NCK1: variants seen among roughly 807,000 people sequenced by gnomAD.
NCK1 encodes SH2/SH3 adapter protein NCK1.
Under a neutral mutation model 36.6 loss-of-function variants are expected in NCK1, and 19 were observed. The ratio of observed to expected loss-of-function variants is 0.52; its 90% CI spans 0.36 to 0.76. NCK1 has a LOEUF of 0.76. Among genes scored for constraint, NCK1 ranks in the 30% least tolerant of loss-of-function variants. NCK1 has a pLI of 0.00. For synonymous variants in NCK1, 165 were observed against 156.0 expected, an observed-to-expected ratio of 1.06 and a Z score of -0.43; for missense variants, 358 against 445.6, an observed-to-expected ratio of 0.80 and a Z score of 1.77.
chr3:136,900,317 G>A (rs894545828), intron 1 of NCK1, among the ~76,000 whole-genome samples: 1 of 152,116 alleles, frequency 6.6e-6, no homozygotes, highest in Admixed American at 6.6e-5. Context: ...TCTTATACCA[G>A]TACCATGCTG....
intron 1 of NCK1, among the ~76,000 whole-genome samples, chr3:136,870,206 G>C (rs1181101573): frequency 6.6e-6 from 1 of 151,798 alleles, no homozygotes; most frequent in East Asian, 1.9e-4. Context: ...GCTGGGCGTG[G>C]TGGTGCATGC....
At chr3:136,941,808 C>A (rs1301932174) in intron 2 of NCK1, among the ~76,000 whole-genome samples, 1 of 151,888 alleles carries the variant, frequency 6.6e-6, no homozygotes, top group Non-Finnish European at 1.5e-5. Flanking sequence ...AAATTACTGT[C>A]CAGTGTTTTT....
chr3:136,929,289 A>G (rs1040884065), intron 2 of NCK1, among the ~76,000 whole-genome samples: 2 of 152,196 alleles, frequency 1.3e-5, no homozygotes, highest in African/African-American at 4.8e-5. Flanking sequence ...CTAATTATCA[A>G]TAAAATACAA....
chr3:136,890,324 G>A (rs894601460), intron 1 of NCK1, among the ~76,000 whole-genome samples: 5 of 150,010 alleles, frequency 3.3e-5, no homozygotes, highest in South Asian at 2.3e-4. Flanking sequence ...ACGCCCACCC[G>A]GAACTCCAGC....
intron 1 of NCK1, among the ~76,000 whole-genome samples, chr3:136,909,415 A>C (rs1312722650): frequency 6.6e-6 from 1 of 152,220 alleles, no homozygotes; most frequent in East Asian, 1.9e-4. Context: ...CACGTGTATG[A>C]TATTCTGTTG....
At chr3:136,869,977 C>A (rs914304544) in intron 1 of NCK1, among the ~76,000 whole-genome samples, 2 of 143,698 alleles carry the variant, frequency 1.4e-5, no homozygotes, top group African/African-American at 5.2e-5. Flanking sequence ...TTGAATAAAA[C>A]AAGCAGTGAA....
intron 1 of NCK1, among the ~76,000 whole-genome samples, chr3:136,903,360 T>C (rs1396067353): frequency 3.9e-5 from 6 of 152,184 alleles, no homozygotes; most frequent in Non-Finnish European, 8.8e-5. Context: ...ATGAGTTTAT[T>C]GTAGGTAGTA....
At chr3:136,884,623 T>C (rs1939028436) in intron 1 of NCK1, among the ~76,000 whole-genome samples, 1 of 152,102 alleles carries the variant, frequency 6.6e-6, no homozygotes, top group African/African-American at 2.4e-5. Context: ...GTATTTTTAG[T>C]AGAGATGGGG....
At chr3:136,925,925 A>G (rs1428702079) in intron 1 of NCK1, among the ~76,000 whole-genome samples, 2 of 152,202 alleles carry the variant, frequency 1.3e-5, no homozygotes, top group South Asian at 2.1e-4. Context: ...TTTGCGGAGT[A>G]TCTGTACCAT....
chr3:136,911,740 T>C (rs551587397), intron 1 of NCK1, among the ~76,000 whole-genome samples: 1 of 152,316 alleles, frequency 6.6e-6, no homozygotes, highest in Admixed American at 6.5e-5. Flanking sequence ...TTTGCTCTTT[T>C]AGCATTTCTT....
chr3:136,878,433 A>G (rs934731162), intron 1 of NCK1, among the ~76,000 whole-genome samples: 1 of 152,172 alleles, frequency 6.6e-6, no homozygotes, highest in African/African-American at 2.4e-5. Flanking sequence ...AAATGTGCTA[A>G]GTATACTAAA....
intron 2 of NCK1, among the ~76,000 whole-genome samples, chr3:136,944,749 A>G (rs1331049426): frequency 6.6e-6 from 1 of 152,220 alleles, no homozygotes; most frequent in Non-Finnish European, 1.5e-5. Context: ...AGTTTTACCT[A>G]GGGAAGCCTC....
chr3:136,903,525 A>G (rs1460064471), intron 1 of NCK1, among the ~76,000 whole-genome samples: 1 of 152,182 alleles, frequency 6.6e-6, no homozygotes, highest in Non-Finnish European at 1.5e-5. Context: ...CCTGGGTTCA[A>G]GCGATTCTCC....
At chr3:136,903,422 T>C (rs1188976850) in intron 1 of NCK1, among the ~76,000 whole-genome samples, 1 of 152,168 alleles carries the variant, frequency 6.6e-6, no homozygotes, top group Non-Finnish European at 1.5e-5. Context: ...TCAATCAGTA[T>C]CTATCTTATT....
chr3:136,873,502 C>T (rs1384132363), intron 1 of NCK1, among the ~76,000 whole-genome samples: 1 of 152,108 alleles, frequency 6.6e-6, no homozygotes, highest in Non-Finnish European at 1.5e-5. Context: ...GGACTGTGAA[C>T]TTCTAAGTTA....
rs34776608 is a variant in NCK1 at position 136,941,116 on chromosome 3, CTTT to C, written c.227-4451_227-4449del. Among the ~76,000 whole-genome samples, 75 of 100,064 alleles carry C rather than the reference CTTT, an allele frequency of 7.5e-4. 1 individual carries two copies. The highest frequency in any genetic ancestry group is 1.5e-3 in the East Asian group (5 of 3,344). 65.6% of individuals were successfully genotyped at this position (100,064 alleles called of 152,430 possible). ...CTGTCTTCTTTTGTGATTTCTTTTT[CTTT>C]TTTTTTTTTTTTTTTGGAGGGTGGG... On this transcript the variant is annotated intron_variant, in intron 2 of 3. Coordinates refer to ENST00000481752, the MANE Select transcript of NCK1 (RefSeq NM_001291999.2).
intron 1 of NCK1, among the ~76,000 whole-genome samples, chr3:136,924,227 A>G (rs958216118): frequency 6.6e-6 from 1 of 152,378 alleles, no homozygotes. Flanking sequence ...CAAGTACACA[A>G]GAATACTTAA....
chr3:136,889,807 G>T (rs12633073), intron 1 of NCK1, among the ~76,000 whole-genome samples: 3 of 152,004 alleles, frequency 2.0e-5, no homozygotes, highest in African/African-American at 7.3e-5. Flanking sequence ...TGAGCTAGAC[G>T]CAGGGTGCTG....
At chr3:136,931,798 C>G (rs968281630) in intron 2 of NCK1, among the ~76,000 whole-genome samples, 4 of 151,994 alleles carry the variant, frequency 2.6e-5, no homozygotes, top group Admixed American at 1.3e-4. Context: ...GTGATGTTGA[C>G]CATAAAGCAA....
Sources: gnomAD v4.1 joint callset for allele counts (sites outside exome capture counted in the v4.1 genomes callset) on GRCh38, gnomAD v4.1.1 for gene constraint, MANE v1.5 for transcripts, NCBI Gene and HGNC (gene_info 2026-07-23, HGNC 2026-07-21) for gene names.